BTBD9: variants seen among roughly 807,000 people sequenced by gnomAD.
BTBD9 encodes the protein BTB/POZ domain-containing protein 9.
Under a neutral mutation model 64.3 loss-of-function variants are expected in BTBD9, and 49 were observed. The observed-to-expected ratio is 0.76, with a 90% CI of 0.61 to 0.97. The LOEUF (loss-of-function observed/expected upper bound fraction) is 0.97. Ranked by LOEUF, BTBD9 falls within the 50% of genes least tolerant of loss-of-function variation. The pLI is 0.00. For synonymous variants in BTBD9, 260 were observed against 274.7 expected, an observed-to-expected ratio of 0.95 and a Z score of 0.53; for missense variants, 598 against 762.1, an observed-to-expected ratio of 0.78 and a Z score of 2.53.
At chr6:38,305,992 T>C (rs1582201298) in intron 7 of BTBD9, among the ~76,000 whole-genome samples, 1 of 152,216 alleles carries the variant, frequency 6.6e-6, no homozygotes, top group Non-Finnish European at 1.5e-5. Flanking sequence ...CTAGTTGGAC[T>C]GCCTTAAACA....
At chr6:38,464,399 T>C (rs1226886338) in intron 6 of BTBD9, among the ~76,000 whole-genome samples, 1 of 152,128 alleles carries the variant, frequency 6.6e-6, no homozygotes, top group Non-Finnish European at 1.5e-5. Flanking sequence ...AAAAACCCAC[T>C]TGAAAGAGTT....
intron 7 of BTBD9, among the ~76,000 whole-genome samples, chr6:38,300,199 T>C (rs12173290): frequency 0.098 from 14,948 of 152,090 alleles, 1,732 homozygotes; most frequent in East Asian, 0.4. Flanking sequence ...AGGGCTCTGT[T>C]CTGTTCCATT....
At chr6:38,203,592 T>C (rs1017003465) in intron 9 of BTBD9, among the ~76,000 whole-genome samples, 2 of 152,174 alleles carry the variant, frequency 1.3e-5, no homozygotes, top group Non-Finnish European at 2.9e-5. Context: ...ATCATGTCAT[T>C]TGCAGCAACA....
intron 6 of BTBD9, among the ~76,000 whole-genome samples, chr6:38,499,099 T>C (rs1772083835): frequency 6.6e-6 from 1 of 152,098 alleles, no homozygotes; most frequent in South Asian, 2.1e-4. Flanking sequence ...TTCTCTTTAA[T>C]TTTGCTAAGT....
chr6:38,460,386 G>A lies in BTBD9; in HGVS notation c.1155-115293C>T, dbSNP rs564300927. 3.3e-4 allele frequency among the ~76,000 whole-genome samples: 50 copies of A among 152,200 alleles called. No individual in the cohort carries two copies. In the South Asian group the frequency reaches 8.3e-3, roughly 25 times the overall value. The stretch of plus-strand genomic sequence containing the variant: ...CTGACAACACATTCCTATTTGTTTT[G>A]TGGTTAGTAACAACATTAGTCTGAA... On this transcript the variant is annotated intron_variant, in intron 6 of 10. Transcript: ENST00000481247.
intron 1 of BTBD9, among the ~76,000 whole-genome samples, chr6:38,637,594 C>A (rs1484164561): frequency 6.6e-6 from 1 of 152,092 alleles, no homozygotes; most frequent in Non-Finnish European, 1.5e-5. Flanking sequence ...GAGAGATAAT[C>A]CCAAGCAAAA....
At chr6:38,488,535 G>A (rs116009434) in intron 6 of BTBD9, among the ~76,000 whole-genome samples, 1 of 152,244 alleles carries the variant, frequency 6.6e-6, no homozygotes, top group African/African-American at 2.4e-5. Context: ...GCACAGTCCT[G>A]TCTCCGGGCT....
intron 6 of BTBD9, among the ~76,000 whole-genome samples, chr6:38,393,028 C>G (rs991566585): frequency 6.6e-6 from 1 of 152,106 alleles, no homozygotes; most frequent in Non-Finnish European, 1.5e-5. Context: ...GCGCGTGCCA[C>G]CATGCACAGC....
intron 9 of BTBD9, among the ~76,000 whole-genome samples, chr6:38,210,257 G>A (rs188215623): frequency 8.5e-5 from 13 of 152,088 alleles, no homozygotes; most frequent in East Asian, 7.7e-4. Context: ...AACTATATTC[G>A]TCTTCGATAA....
intron 6 of BTBD9, among the ~76,000 whole-genome samples, chr6:38,529,096 C>T (rs1773657258): frequency 6.6e-6 from 1 of 152,124 alleles, no homozygotes; most frequent in Admixed American, 6.5e-5. Context: ...GCATTCACTA[C>T]AAGCTGACTG....
chr6:38,230,972 C>T (rs1277979902), intron 9 of BTBD9, among the ~76,000 whole-genome samples: 1 of 152,180 alleles, frequency 6.6e-6, no homozygotes, highest in Non-Finnish European at 1.5e-5. Context: ...TTTCCCCCTA[C>T]TAGGATGTAA....
chr6:38,631,629 G>A (rs955527876), intron 1 of BTBD9, among the ~76,000 whole-genome samples: 1 of 152,144 alleles, frequency 6.6e-6, no homozygotes, highest in African/African-American at 2.4e-5. Flanking sequence ...CAGCCAGCAA[G>A]GAACTGAGGC....
chr6:38,258,509 T>C (rs1219171978), intron 8 of BTBD9, among the ~76,000 whole-genome samples: 1 of 152,244 alleles, frequency 6.6e-6, no homozygotes, highest in Admixed American at 6.5e-5. Flanking sequence ...GTCTACGTCT[T>C]ACTGATTTTT....
At chr6:38,352,375 T>TG (rs1303944298) in intron 6 of BTBD9, among the ~76,000 whole-genome samples, 5 of 149,888 alleles carry the variant, frequency 3.3e-5, no homozygotes, top group African/African-American at 9.9e-5. Flanking sequence ...AAACTCTGTC[T>TG]GAAAAAAAAA....
chr6:38,353,375 T>C lies in BTBD9; in HGVS notation c.1155-8282A>G, dbSNP rs537668413. 4.2e-5 allele frequency among the ~76,000 whole-genome samples: 6 copies of C among 141,782 alleles called. 1 individual carries two copies. Among genetic ancestry groups the C allele is most frequent in the African/African-American group, 1.3e-4 (5 of 37,958 alleles). 93.0% of individuals were successfully genotyped at this position (141,782 alleles called of 152,430 possible). Reference sequence around the variant, plus strand: ...GAGAGAAAATGAGATGTGGAGTATATAAAATGAAAAATGAATAAGGGAGAG... The same window carrying C: ...GAGAGAAAATGAGATGTGGAGTATACAAAATGAAAAATGAATAAGGGAGAG... On this transcript the variant is annotated intron_variant, in intron 6 of 10. Transcript: ENST00000481247.
At chr6:38,627,643 G>A (rs1350292070) in intron 1 of BTBD9, among the ~76,000 whole-genome samples, 1 of 152,106 alleles carries the variant, frequency 6.6e-6, no homozygotes, top group Admixed American at 6.6e-5. Context: ...GATGTCTGTG[G>A]GGTCAGGATG....
intron 6 of BTBD9, among the ~76,000 whole-genome samples, chr6:38,438,364 C>A (rs956721533): frequency 2.6e-5 from 4 of 152,086 alleles, no homozygotes; most frequent in African/African-American, 7.2e-5. Flanking sequence ...GCAGAAAAAC[C>A]GTTGAAGTGG....
At chr6:38,283,357 T>A (rs1761594295) in intron 8 of BTBD9, among the ~76,000 whole-genome samples, 1 of 152,196 alleles carries the variant, frequency 6.6e-6, no homozygotes, top group East Asian at 1.9e-4. Context: ...ACCAAGATAA[T>A]TCATGTTTGG....
At chr6:38,578,224 A>T (rs577359069) in intron 5 of BTBD9, among the ~76,000 whole-genome samples, 1 of 152,252 alleles carries the variant, frequency 6.6e-6, no homozygotes, top group South Asian at 2.1e-4. Flanking sequence ...AGGGCAGCTT[A>T]TCTCCTGCTG....
Sources: allele counts gnomAD v4.1 joint callset (sites outside exome capture counted in the v4.1 genomes callset), GRCh38; gene constraint gnomAD v4.1.1; transcripts MANE v1.5; gene names NCBI Gene and HGNC (gene_info 2026-07-23, HGNC 2026-07-21).